Variants in COL21A1 observed in about 807,000 individuals in gnomAD.
COL21A1 encodes the protein collagen alpha-1(XXI) chain.
In COL21A1, 149 loss-of-function variants were observed where a neutral mutation model predicts 137.9. The ratio of observed to expected loss-of-function variants is 1.08; its 90% CI spans 0.95 to 1.24. The LOEUF (loss-of-function observed/expected upper bound fraction) is 1.24. Ranked by LOEUF, COL21A1 falls within the 50% of genes most tolerant of loss-of-function variation. The pLI is 0.00. For missense variants in COL21A1, 1,167 were observed against 1,158.4 expected, an observed-to-expected ratio of 1.01 and a Z score of -0.11; for synonymous variants, 456 against 391.5, an observed-to-expected ratio of 1.16 and a Z score of -1.95.
chr6:56,161,964 T>C (rs573581248), intron 9 of COL21A1, among the ~76,000 whole-genome samples: 1 of 152,348 alleles, frequency 6.6e-6, no homozygotes, highest in African/African-American at 2.4e-5. Flanking sequence ...ATAGAAAAGC[T>C]AGATCTGTTC....
intron 1 of COL21A1, among the ~76,000 whole-genome samples, chr6:56,365,581 T>C (rs1474808533): frequency 6.6e-6 from 1 of 152,188 alleles, no homozygotes; most frequent in African/African-American, 2.4e-5. Flanking sequence ...AGGTAGGACA[T>C]AAATTCAGTG....
chr6:56,300,527 T>C (rs1311979833), intron 1 of COL21A1, among the ~76,000 whole-genome samples: 2 of 152,180 alleles, frequency 1.3e-5, no homozygotes, highest in Non-Finnish European at 1.5e-5. Flanking sequence ...AATATATTTT[T>C]TCATACATTA....
intron 1 of COL21A1, among the ~76,000 whole-genome samples, chr6:56,374,263 T>C (rs2093995252): frequency 6.6e-6 from 1 of 152,176 alleles, no homozygotes; most frequent in Non-Finnish European, 1.5e-5. Flanking sequence ...AAAAGAGGCA[T>C]CCATGATAAG....
At chr6:56,174,151 C>T (rs1406298317) in intron 3 of COL21A1, among the ~76,000 whole-genome samples, 1 of 151,752 alleles carries the variant, frequency 6.6e-6, no homozygotes, top group Non-Finnish European at 1.5e-5. Flanking sequence ...ATCACAACAT[C>T]CAAAATTTAT....
chr6:56,388,591 T>C (rs2094023075), intron 1 of COL21A1, among the ~76,000 whole-genome samples: 1 of 152,210 alleles, frequency 6.6e-6, no homozygotes. Context: ...CCAGTGCTGA[T>C]ACAGCTGCAG....
chr6:56,106,801 T>A (rs1770945718), intron 16 of COL21A1, among the ~76,000 whole-genome samples: 1 of 152,116 alleles, frequency 6.6e-6, no homozygotes, highest in Admixed American at 6.6e-5. Context: ...AAGTTTTTTT[T>A]TTTGAGACAG....
chr6:56,350,902 A>G (rs551668872), intron 1 of COL21A1, among the ~76,000 whole-genome samples: 8 of 152,260 alleles, frequency 5.3e-5, no homozygotes, highest in Non-Finnish European at 1.0e-4. Context: ...TGACAAATAA[A>G]GACACTTGCA....
At chr6:56,205,800 T>A (rs1165291625) in intron 1 of COL21A1, among the ~76,000 whole-genome samples, 1 of 152,180 alleles carries the variant, frequency 6.6e-6, no homozygotes, top group African/African-American at 2.4e-5. Flanking sequence ...AGAAACCCTA[T>A]AAGCCAGAAG....
In COL21A1 at chr6:56,069,058, A is replaced by C. The variant is rs773516495; in HGVS notation, c.2079T>G (p.Ile693Met). 1 of 1,601,464 alleles carries C rather than the reference A, an allele frequency of 6.2e-7. No individual in the cohort carries two copies. The highest frequency in any genetic ancestry group is 1.1e-5 in the South Asian group (1 of 88,994). Residue 693 changes from isoleucine (I) to methionine (M), a missense_variant, in exon 22 of 30, where the codon ATT becomes ATG. Transcript: ENST00000244728. ...AACCAATGCATACCTTTTTTCCTTGAATCCCGGGTAAACCCATGTATCCTG... is the reference window on the plus strand; with the variant it reads ...AACCAATGCATACCTTTTTTCCTTGCATCCCGGGTAAACCCATGTATCCTG... ...GEPGYMGLPG[I>M]QGKKGDKGNQ...
At chr6:56,224,405 A>T (rs1158374671) in intron 1 of COL21A1, among the ~76,000 whole-genome samples, 1 of 152,096 alleles carries the variant, frequency 6.6e-6, no homozygotes, top group African/African-American at 2.4e-5. Flanking sequence ...GCTGAATTCC[A>T]TGACTTAACG....
At chr6:56,096,250 T>C (rs1769314768) in intron 17 of COL21A1, among the ~76,000 whole-genome samples, 1 of 152,144 alleles carries the variant, frequency 6.6e-6, no homozygotes, top group Non-Finnish European at 1.5e-5. Flanking sequence ...CCCATACCTA[T>C]GTTCATACCA....
chr6:56,096,775 C>G (rs1273308374), intron 17 of COL21A1, among the ~76,000 whole-genome samples: 1 of 152,104 alleles, frequency 6.6e-6, no homozygotes, highest in Non-Finnish European at 1.5e-5. Flanking sequence ...CCATGTGAAA[C>G]TCCATTAATT....
At chr6:56,251,088 G>T (rs770348354), upstream of COL21A1, among the ~76,000 whole-genome samples, 2 of 152,054 alleles carry the variant, frequency 1.3e-5, no homozygotes, top group Non-Finnish European at 2.9e-5. Context: ...TCTCACCTCT[G>T]CCTCATCCAA....
chr6:56,082,769 CTAA>C (rs1267451183), intron 17 of COL21A1, among the ~76,000 whole-genome samples: 15 of 151,654 alleles, frequency 9.9e-5, no homozygotes, highest in Admixed American at 7.9e-4. Context: ...AGAAAACACA[CTAA>C]TAAGTGAATT....
intron 1 of COL21A1, among the ~76,000 whole-genome samples, chr6:56,341,512 T>C (rs1333590049): frequency 6.6e-6 from 1 of 152,168 alleles, no homozygotes; most frequent in Non-Finnish European, 1.5e-5. Context: ...ATTCCCACTA[T>C]ATGATATTGT....
intron 1 of COL21A1, among the ~76,000 whole-genome samples, chr6:56,237,812 G>T (rs1163728261): frequency 6.6e-6 from 1 of 152,016 alleles, no homozygotes; most frequent in Non-Finnish European, 1.5e-5. Flanking sequence ...AATTAATTTA[G>T]AATGAATCAG....
Position 56,315,957 on chromosome 6 carries a change from C to T in COL21A1, c.-39+78014G>A, listed in dbSNP as rs536585335. 4.4e-4 allele frequency among the ~76,000 whole-genome samples: 67 copies of T among 152,126 alleles called. 1 individual carries two copies. Among genetic ancestry groups the T allele is most frequent in the Non-Finnish European group, 2.1e-4 (14 of 68,022 alleles). On this transcript the variant is annotated intron_variant, in intron 1 of 28. Transcript: ENST00000370819. ...TTCACAAAGCATGTGTCTATTGAAA[C>T]ATCACAGTGAATACCTTAAATATAT...
At chr6:56,170,073 A>C (rs776906207) in intron 5 of COL21A1, among the ~76,000 whole-genome samples, 17 of 152,046 alleles carry the variant, frequency 1.1e-4, no homozygotes, top group East Asian at 1.9e-4. Flanking sequence ...CATGATTTTG[A>C]AAATAAACTT....
intron 10 of COL21A1, among the ~76,000 whole-genome samples, chr6:56,147,794 G>C (rs1774952809): frequency 6.6e-6 from 1 of 152,042 alleles, no homozygotes; most frequent in Non-Finnish European, 1.5e-5. Flanking sequence ...GAAGAAAAAT[G>C]AATTAGCTGG....
Sources: gnomAD v4.1 joint callset for allele counts (sites outside exome capture counted in the v4.1 genomes callset) on GRCh38, gnomAD v4.1.1 for gene constraint, MANE v1.5 for transcripts, NCBI Gene and HGNC (gene_info 2026-07-23, HGNC 2026-07-21) for gene names.